Variants in CCSER1 observed in about 807,000 individuals in gnomAD.
CCSER1 encodes the protein coiled-coil serine rich protein 1, also known as serine-rich coiled-coil domain-containing protein 1.
Under a neutral mutation model 82.0 loss-of-function variants are expected in CCSER1, and 41 were observed. That is an observed-to-expected ratio of 0.50 (90% CI 0.39 to 0.65). The LOEUF (loss-of-function observed/expected upper bound fraction) is 0.65, where lower values mean the gene tolerates loss of function less well. Among genes scored for constraint, CCSER1 ranks in the 30% least tolerant of loss-of-function variants. CCSER1 has a pLI of 0.00. For missense variants in CCSER1, 1,119 were observed against 1,064.2 expected, an observed-to-expected ratio of 1.05 and a Z score of -0.72; for synonymous variants, 414 against 383.9, an observed-to-expected ratio of 1.08 and a Z score of -0.92.
At chr4:91,526,469 CTG>C (rs1760769175) in intron 10 of CCSER1, among the ~76,000 whole-genome samples, 1 of 152,174 alleles carries the variant, frequency 6.6e-6, no homozygotes, top group African/African-American at 2.4e-5. Context: ...CTCCTGAGGG[CTG>C]TGTCATGGGC....
intron 3 of CCSER1, among the ~76,000 whole-genome samples, chr4:90,350,506 T>A (rs1743236460): frequency 6.6e-6 from 1 of 152,098 alleles, no homozygotes. Context: ...AGCATGTAAT[T>A]GTTTACATAG....
At chr4:91,591,614 T>G (rs73836288) in intron 10 of CCSER1, among the ~76,000 whole-genome samples, 1 of 152,068 alleles carries the variant, frequency 6.6e-6, no homozygotes, top group Non-Finnish European at 1.5e-5. Flanking sequence ...ACCAAAATTT[T>G]TTATTTTTAT....
intron 10 of CCSER1, among the ~76,000 whole-genome samples, chr4:91,217,894 C>T (rs62310746): frequency 0.058 from 8,846 of 152,324 alleles, 504 homozygotes; most frequent in African/African-American, 0.15. Flanking sequence ...ACTCAGGAGC[C>T]CAGCTGGCTT....
At chr4:90,930,887 G>C (rs1729667033) in intron 9 of CCSER1, among the ~76,000 whole-genome samples, 1 of 135,458 alleles carries the variant, frequency 7.4e-6, no homozygotes, top group African/African-American at 2.7e-5. Context: ...GGAAAAATTT[G>C]CAAAAGGAAA....
At chr4:91,326,899 C>T (rs1393705154) in intron 10 of CCSER1, among the ~76,000 whole-genome samples, 2 of 152,180 alleles carry the variant, frequency 1.3e-5, no homozygotes, top group African/African-American at 4.8e-5. Flanking sequence ...CTAACTTCCT[C>T]TGACTCTATG....
At chr4:91,300,944 G>A (rs1744617609) in intron 10 of CCSER1, among the ~76,000 whole-genome samples, 1 of 151,780 alleles carries the variant, frequency 6.6e-6, no homozygotes, top group African/African-American at 2.4e-5. Flanking sequence ...GAGTCATTAG[G>A]GAGGTTTTTA....
chr4:91,072,548 T>G (rs1360112057), intron 9 of CCSER1, among the ~76,000 whole-genome samples: 1 of 152,122 alleles, frequency 6.6e-6, no homozygotes, highest in Admixed American at 6.5e-5. Flanking sequence ...AATAGGTTAC[T>G]CAATCACTGA....
At chr4:91,238,094 G>A (rs76618292) in intron 10 of CCSER1, among the ~76,000 whole-genome samples, 3 of 152,040 alleles carry the variant, frequency 2.0e-5, no homozygotes, top group African/African-American at 4.8e-5. Flanking sequence ...ATATCATTCC[G>A]CTCTTCTTTA....
intron 8 of CCSER1, among the ~76,000 whole-genome samples, chr4:90,912,212 A>G (rs113102270): frequency 0.036 from 5,547 of 152,314 alleles, 139 homozygotes; most frequent in Middle Eastern, 0.095. Context: ...CGAGTAGCCT[A>G]ACTGGGAGGC....
At chr4:91,121,071 G>A (rs971964159) in intron 10 of CCSER1, among the ~76,000 whole-genome samples, 3 of 151,452 alleles carry the variant, frequency 2.0e-5, no homozygotes, top group Non-Finnish European at 3.0e-5. Flanking sequence ...GAAAATTTAG[G>A]CTTTCTTGAG....
At chr4:91,187,491 A>G (rs1340165815) in intron 10 of CCSER1, among the ~76,000 whole-genome samples, 3 of 152,228 alleles carry the variant, frequency 2.0e-5, no homozygotes, top group African/African-American at 4.8e-5. Flanking sequence ...TTGTTTGGTA[A>G]TACAAACTCT....
At chr4:90,315,078 G>A (rs910707386) in intron 3 of CCSER1, among the ~76,000 whole-genome samples, 4 of 151,744 alleles carry the variant, frequency 2.6e-5, no homozygotes, top group African/African-American at 9.7e-5. Flanking sequence ...AACTCCTCCT[G>A]ACCTCAAGTG....
chr4:90,389,974 A>G (rs1173187335), intron 3 of CCSER1, among the ~76,000 whole-genome samples: 1 of 152,190 alleles, frequency 6.6e-6, no homozygotes, highest in African/African-American at 2.4e-5. Flanking sequence ...CATTTTTAGC[A>G]CCTATTATAT....
At chr4:91,250,448 T>C (rs1740166224) in intron 10 of CCSER1, among the ~76,000 whole-genome samples, 1 of 152,132 alleles carries the variant, frequency 6.6e-6, no homozygotes, top group African/African-American at 2.4e-5. Context: ...TAACATTTCC[T>C]GTTTAATTTT....
chr4:91,210,159 G>A (rs192346337), intron 10 of CCSER1, among the ~76,000 whole-genome samples: 35 of 151,406 alleles, frequency 2.3e-4, no homozygotes, highest in Admixed American at 6.6e-4. Flanking sequence ...TGCCAAATAC[G>A]GAATACATTG....
chr4:90,879,792 C>T (rs1054899852), intron 8 of CCSER1, among the ~76,000 whole-genome samples: 2 of 152,142 alleles, frequency 1.3e-5, no homozygotes, highest in Non-Finnish European at 2.9e-5. Context: ...TATTGGAGTT[C>T]TTGCATGGGT....
At chr4:91,358,999 T>C (rs189190030) in intron 10 of CCSER1, among the ~76,000 whole-genome samples, 2 of 152,190 alleles carry the variant, frequency 1.3e-5, no homozygotes, top group African/African-American at 4.8e-5. Context: ...GACACCGAGT[T>C]GTAGAAGGAA....
chr4:90,232,260 G>T (rs918562815), intron 1 of CCSER1, among the ~76,000 whole-genome samples: 1 of 151,228 alleles, frequency 6.6e-6, no homozygotes, highest in Non-Finnish European at 1.5e-5. Flanking sequence ...GCATGGTACC[G>T]GTACCAAAAC....
chr4:90,295,360 A>G (rs1731665959), intron 1 of CCSER1, among the ~76,000 whole-genome samples: 1 of 152,114 alleles, frequency 6.6e-6, no homozygotes, highest in Non-Finnish European at 1.5e-5. Context: ...AAAAAGTTAT[A>G]AATGAAAAAT....
Sources: allele counts gnomAD v4.1 joint callset (sites outside exome capture counted in the v4.1 genomes callset), GRCh38; gene constraint gnomAD v4.1.1; transcripts MANE v1.5; gene names NCBI Gene and HGNC (gene_info 2026-07-23, HGNC 2026-07-21).